Variants in NAV2 observed in about 807,000 individuals in gnomAD.
NAV2 encodes the protein helicase, APC down-regulated 1.
Under a neutral mutation model 223.2 loss-of-function variants are expected in NAV2, and 54 were observed. The ratio of observed to expected loss-of-function variants is 0.24; its 90% confidence interval spans 0.19 to 0.30. The LOEUF is 0.30. Among genes scored for constraint, NAV2 ranks in the 10% least tolerant of loss-of-function variants. The pLI is 1.00. For synonymous variants in NAV2, 1,279 were observed against 1,239.3 expected (o/e 1.03, Z -0.67); for missense variants, 2,806 against 3,147.5 (o/e 0.89, Z 2.60).
intron 1 of NAV2, among the ~76,000 whole-genome samples, chr11:19,819,204 T>C (rs2059254064): frequency 6.6e-6 from 1 of 152,146 alleles, no homozygotes; most frequent in Non-Finnish European, 1.5e-5. Flanking sequence ...ATGTGAGTAG[T>C]TACAACAGCC....
At chr11:19,573,689 T>C (rs1194720473) in intron 1 of NAV2, among the ~76,000 whole-genome samples, 1 of 152,190 alleles carries the variant, frequency 6.6e-6, no homozygotes, top group Admixed American at 6.5e-5. Flanking sequence ...AGGTAGGTGG[T>C]AGAGCCTGAG....
intron 6 of NAV2, among the ~76,000 whole-genome samples, chr11:19,895,118 T>TC (rs2041861593): frequency 7.0e-6 from 1 of 142,304 alleles, no homozygotes; most frequent in Non-Finnish European, 1.5e-5. Context: ...TTTTTTTTTT[T>TC]TTTTTTTTTG....
chr11:19,468,431 G>A (rs189946566), intron 1 of NAV2, among the ~76,000 whole-genome samples: 125 of 152,186 alleles, frequency 8.2e-4, no homozygotes, highest in African/African-American at 2.9e-3. Flanking sequence ...TTCCTGGAAG[G>A]CATTCTTTGG....
At chr11:20,111,851 C>G (rs573567493) in intron 36 of NAV2, among the ~76,000 whole-genome samples, 1 of 152,354 alleles carries the variant, frequency 6.6e-6, no homozygotes, top group African/African-American at 2.4e-5. Flanking sequence ...AAAAGTTCCC[C>G]AGTCTACTCA....
chr11:19,538,180 G>A (rs2044241976), intron 1 of NAV2, among the ~76,000 whole-genome samples: 1 of 152,196 alleles, frequency 6.6e-6, no homozygotes, highest in Non-Finnish European at 1.5e-5. Flanking sequence ...GATATTGGAA[G>A]GATCCTGGTG....
chr11:20,114,750 G>A lies in NAV2; in HGVS notation c.7119G>A (p.Ser2373=), dbSNP rs762276960. The change falls in exon 37 of 38, where the codon TCG becomes TCA. Residue 2373 remains serine, a synonymous_variant. Transcript: ENST00000349880. ...FDGYSMPREG[S]TSKQMPPSDA... ...GCTACTCCATGCCTCGGGAGGGATC[G>A]ACAAGCAAGCAGATGCCCCCCAGTG... 2.5e-5 allele frequency: 41 copies of A among 1,613,870 alleles called. 1 individual carries two copies. Among genetic ancestry groups the A allele is most frequent in the South Asian group, 4.4e-5 (4 of 91,028 alleles).
At chr11:19,990,536 A>C (rs2051230838) in intron 11 of NAV2, among the ~76,000 whole-genome samples, 1 of 150,052 alleles carries the variant, frequency 6.7e-6, no homozygotes. Context: ...TCCCCCCATT[A>C]CCTCCCCTCT....
intron 28 of NAV2, among the ~76,000 whole-genome samples, chr11:20,092,898 G>A (rs2060952183): frequency 6.6e-6 from 1 of 152,152 alleles, no homozygotes; most frequent in Non-Finnish European, 1.5e-5. Flanking sequence ...TGCATTGTCA[G>A]CCTACTGGTT....
At chr11:19,746,885 CT>C (rs1401964724) in intron 1 of NAV2, among the ~76,000 whole-genome samples, 2 of 152,010 alleles carry the variant, frequency 1.3e-5, no homozygotes, top group Non-Finnish European at 2.9e-5. Flanking sequence ...ATTGAACACT[CT>C]TTTTTTAATT....
intron 14 of NAV2, among the ~76,000 whole-genome samples, chr11:20,045,895 C>A (rs1418207625): frequency 1.3e-5 from 2 of 152,180 alleles, no homozygotes; most frequent in East Asian, 1.9e-4. Flanking sequence ...AATCTTAGGT[C>A]CATTTTAATT....
chr11:19,461,231 T>C (rs1770333007), intron 1 of NAV2, among the ~76,000 whole-genome samples: 1 of 152,168 alleles, frequency 6.6e-6, no homozygotes, highest in South Asian at 2.1e-4. Flanking sequence ...CTTCTCAGCC[T>C]GCACAGAATG....
At chr11:20,048,197 A>T (rs2153595536) in intron 14 of NAV2, among the ~76,000 whole-genome samples, 1 of 152,298 alleles carries the variant, frequency 6.6e-6, no homozygotes, top group Non-Finnish European at 1.5e-5. Context: ...ATTGTGGATA[A>T]ATCTCTGAAG....
In NAV2 at chr11:19,880,085, C is replaced by T. The variant is rs765091913; in HGVS notation, c.728C>T (p.Ala243Val). 1.6e-5 allele frequency: 26 copies of T among 1,609,746 alleles called. No homozygotes were observed. Among genetic ancestry groups the T allele is most frequent in the African/African-American group, 1.2e-4 (9 of 74,852 alleles). Residue 243 changes from alanine to valine, a missense_variant, in exon 5 of 38, where the codon GCG becomes GTG. Around this residue, in one of 4 missense-constraint regions of NAV2, gnomAD observed 1,167 missense variants for 1,180.5 expected, o/e 0.99. Transcript: ENST00000349880. ...GCCCCGTGCCAGCCTCACCAGCCAG[C>T]GCCACATCAGCAGTCAAAAGCACAA... Reference protein sequence around the residue: ...PQAPCQPHQPAPHQQSKAQAE... With the variant: ...PQAPCQPHQPVPHQQSKAQAE...
chr11:20,011,782 GTC>G (rs1415553621), intron 11 of NAV2, among the ~76,000 whole-genome samples: 1 of 152,278 alleles, frequency 6.6e-6, no homozygotes, highest in East Asian at 1.9e-4. Flanking sequence ...ATTCTTAATG[GTC>G]ACACACAGGA....
At chr11:19,637,956 C>T (rs2047551876) in intron 1 of NAV2, among the ~76,000 whole-genome samples, 1 of 152,234 alleles carries the variant, frequency 6.6e-6, no homozygotes, top group African/African-American at 2.4e-5. Flanking sequence ...ATTTCAGATA[C>T]AGATTTCTGA....
At chr11:19,984,745 T>C (rs1480795752) in intron 11 of NAV2, among the ~76,000 whole-genome samples, 2 of 152,184 alleles carry the variant, frequency 1.3e-5, no homozygotes, top group East Asian at 1.9e-4. Flanking sequence ...TGCTAAGTAG[T>C]TGACATCATA....
At chr11:19,581,647 A>G (rs2135027012) in intron 1 of NAV2, among the ~76,000 whole-genome samples, 2 of 152,242 alleles carry the variant, frequency 1.3e-5, no homozygotes, top group Admixed American at 1.3e-4. Context: ...TAGTTTGCTG[A>G]GAATGATGGT....
At chr11:19,951,640 T>G (rs1048192095) in intron 10 of NAV2, among the ~76,000 whole-genome samples, 2 of 152,206 alleles carry the variant, frequency 1.3e-5, no homozygotes, top group African/African-American at 4.8e-5. Flanking sequence ...AGTGAATTCA[T>G]TTTGATGTAG....
intron 1 of NAV2, among the ~76,000 whole-genome samples, chr11:19,638,777 G>A (rs1176118503): frequency 6.6e-6 from 1 of 152,072 alleles, no homozygotes; most frequent in South Asian, 2.1e-4. Flanking sequence ...GGCAGATCAC[G>A]AGGTCAGGAG....
Sources: gnomAD v4.1 joint callset for allele counts (sites outside exome capture counted in the v4.1 genomes callset) on GRCh38, gnomAD v4.1.1 for gene constraint, gnomAD v4.1.1 regional missense constraint, MANE v1.5 for transcripts, NCBI Gene and HGNC (gene_info 2026-07-23, HGNC 2026-07-21) for gene names.